Variants in ZMYM2 observed in about 807,000 individuals in gnomAD.
ZMYM2 encodes the protein zinc finger MYM-type protein 2.
Under a neutral mutation model 162.8 loss-of-function variants are expected in ZMYM2, and 56 were observed. The observed-to-expected ratio is 0.34, with a 90% CI of 0.28 to 0.43. The LOEUF (loss-of-function observed/expected upper bound fraction) is 0.43, where lower values mean the gene tolerates loss of function less well. Among genes scored for constraint, ZMYM2 ranks in the 20% least tolerant of loss-of-function variants. ZMYM2 has a pLI of 1.00. For synonymous variants in ZMYM2, 510 were observed against 541.6 expected (o/e 0.94, Z 0.81); for missense variants, 1,275 against 1,621.8 (o/e 0.79, Z 3.67).
intron 12 of ZMYM2, among the ~76,000 whole-genome samples, chr13:20,046,554 TAA>T (rs137929093): frequency 6.5e-5 from 5 of 76,412 alleles, no homozygotes; most frequent in African/African-American, 1.9e-4. Flanking sequence ...ACTTTGTCTC[TAA>T]AAAAAAAAAT....
chr13:20,071,291 G>A (rs1291788891), intron 21 of ZMYM2, among the ~76,000 whole-genome samples: 2 of 152,184 alleles, frequency 1.3e-5, no homozygotes, highest in South Asian at 2.1e-4. Flanking sequence ...CGGAAGGAAA[G>A]TCTTGAGTGT....
At chr13:20,074,966 T>G (rs1324470903) in intron 21 of ZMYM2, among the ~76,000 whole-genome samples, 1 of 152,232 alleles carries the variant, frequency 6.6e-6, no homozygotes, top group Non-Finnish European at 1.5e-5. Flanking sequence ...TTACCAAAAT[T>G]TTTAAAAATT....
intron 6 of ZMYM2, among the ~76,000 whole-genome samples, chr13:20,007,793 G>A (rs1421806704): frequency 6.6e-6 from 1 of 151,586 alleles, no homozygotes; most frequent in Admixed American, 6.6e-5. Context: ...GCTAATTTTT[G>A]TGTTTTTACT....
intron 2 of ZMYM2, among the ~76,000 whole-genome samples, chr13:19,987,649 G>GTGTGTGTGTA (rs1555288040): frequency 2.0e-5 from 3 of 149,694 alleles, no homozygotes; most frequent in Non-Finnish European, 4.5e-5. Flanking sequence ...GTGTGTGTGT[G>GTGTGTGTGTA]TGTGTGTGTA....
At chr13:19,929,395 C>G in the ZMYM2 span, among the ~76,000 whole-genome samples, 1 of 151,974 alleles carries the variant, frequency 6.6e-6, no homozygotes, top group Non-Finnish European at 1.5e-5. Context: ...CCTGCCGCCA[C>G]GCCAGGCTAA....
At chr13:19,871,967 T>A in the ZMYM2 span, among the ~76,000 whole-genome samples, 8 of 152,052 alleles carry the variant, frequency 5.3e-5, no homozygotes, top group Middle Eastern at 3.4e-3. Context: ...TTTATTATTA[T>A]TATTATTTTA....
At chr13:19,962,083 A>G (rs1438156317) in intron 2 of ZMYM2, among the ~76,000 whole-genome samples, 1 of 151,934 alleles carries the variant, frequency 6.6e-6, no homozygotes, top group Non-Finnish European at 1.5e-5. Context: ...TTTGTATCTC[A>G]TGTGGTGAGA....
At chr13:20,041,669 T>A (rs886197570) in intron 12 of ZMYM2, among the ~76,000 whole-genome samples, 5 of 152,190 alleles carry the variant, frequency 3.3e-5, no homozygotes, top group Non-Finnish European at 5.9e-5. Flanking sequence ...TAAGTGTGTT[T>A]TTGTAGTGGT....
At chr13:19,977,477 T>C (rs977830153) in intron 2 of ZMYM2, among the ~76,000 whole-genome samples, 1 of 151,732 alleles carries the variant, frequency 6.6e-6, no homozygotes, top group Non-Finnish European at 1.5e-5. Flanking sequence ...GCATGTCTTA[T>C]GTTTTTTCCT....
intron 5 of ZMYM2, among the ~76,000 whole-genome samples, chr13:20,005,533 A>T (rs1169702586): frequency 2.0e-5 from 3 of 152,070 alleles, no homozygotes; most frequent in African/African-American, 7.2e-5. Flanking sequence ...GTTGAGGTTG[A>T]TTTTTGTCTA....
intron 12 of ZMYM2, among the ~76,000 whole-genome samples, chr13:20,043,759 A>C (rs1954502310): frequency 6.6e-6 from 1 of 152,214 alleles, no homozygotes; most frequent in Admixed American, 6.5e-5. Context: ...GCACACACAC[A>C]CGTGGGTGCT....
chr13:20,063,595 ACGT>A (rs1195681108), intron 18 of ZMYM2, among the ~76,000 whole-genome samples: 1 of 149,986 alleles, frequency 6.7e-6, no homozygotes, highest in Admixed American at 6.7e-5. Context: ...AGCCTGGCCA[ACGT>A]CGTGAAACCC....
the ZMYM2 span, among the ~76,000 whole-genome samples, chr13:19,893,177 A>G: frequency 6.7e-3 from 1,019 of 151,330 alleles, 13 homozygotes; most frequent in Non-Finnish European, 0.01. Flanking sequence ...TCACGCCTGT[A>G]ATCCCAGCAC....
At chr13:19,985,791 A>G (rs1364179855) in intron 2 of ZMYM2, among the ~76,000 whole-genome samples, 1 of 151,798 alleles carries the variant, frequency 6.6e-6, no homozygotes, top group Non-Finnish European at 1.5e-5. Flanking sequence ...CACAAGAATT[A>G]CTTGAACCCT....
the ZMYM2 span, chr13:19,864,335 C>G: frequency 1.6e-3 from 253 of 155,162 alleles, no homozygotes; most frequent in Non-Finnish European, 3.0e-3. Context: ...TCCATTTTGT[C>G]GGGACAACTG....
chr13:19,969,173 A>T lies in ZMYM2; in HGVS notation c.-11+9147A>T, dbSNP rs1485249961. On this transcript the variant is annotated intron_variant, in intron 2 of 24. Transcript: ENST00000610343. The stretch of plus-strand genomic sequence containing the variant: ...CATCACACTAATAATTTGCATATAT[A>T]CTGTTACTATCAACAATGGACGTAT... 2.0e-5 allele frequency among the ~76,000 whole-genome samples: 3 copies of T among 152,316 alleles called. No homozygotes were observed. In the South Asian group the frequency reaches 6.2e-4, roughly 32 times the overall value.
chr13:19,945,490 G>T, the ZMYM2 span, among the ~76,000 whole-genome samples: 2 of 151,978 alleles, frequency 1.3e-5, no homozygotes, highest in Admixed American at 6.6e-5. Flanking sequence ...GGCCTCAAGT[G>T]ATCCACCTGC....
At chr13:19,995,602 C>T (rs572999929) in intron 3 of ZMYM2, among the ~76,000 whole-genome samples, 2 of 152,228 alleles carry the variant, frequency 1.3e-5, no homozygotes, top group Non-Finnish European at 2.9e-5. Flanking sequence ...TGGTCTTGAA[C>T]TCGTGGCCTC....
intron 2 of ZMYM2, among the ~76,000 whole-genome samples, chr13:19,971,001 A>T (rs929341315): frequency 1.3e-5 from 2 of 151,938 alleles, no homozygotes; most frequent in Admixed American, 1.3e-4. Context: ...GAGGAGCTTG[A>T]ACTCTTCCAC....
Sources: gnomAD v4.1 joint callset for allele counts (sites outside exome capture counted in the v4.1 genomes callset) on GRCh38, gnomAD v4.1.1 for gene constraint, MANE v1.5 for transcripts, NCBI Gene and HGNC (gene_info 2026-07-23, HGNC 2026-07-21) for gene names.